Variants in PXDNL observed in about 807,000 individuals in gnomAD.
PXDNL encodes peroxidasin like.
PXDNL carries 145 observed loss-of-function variants against 150.8 expected under a neutral mutation model. The observed-to-expected ratio is 0.96, with a 90% CI of 0.84 to 1.10. PXDNL has a LOEUF of 1.10. PXDNL is among the 50% of genes least tolerant of loss of function. PXDNL has a pLI of 0.00. For missense variants in PXDNL, 2,087 were observed against 1,873.9 expected (o/e 1.11, Z -2.10); for synonymous variants, 757 against 725.7 (o/e 1.04, Z -0.69).
chr8:51,515,176 G>T (rs1811509199), intron 4 of PXDNL, among the ~76,000 whole-genome samples: 1 of 152,184 alleles, frequency 6.6e-6, no homozygotes, highest in African/African-American at 2.4e-5. Context: ...AGGACAGTGA[G>T]GGACAATCGG....
chr8:51,432,421 C>T (rs905487582), intron 12 of PXDNL, among the ~76,000 whole-genome samples: 21 of 152,262 alleles, frequency 1.4e-4, no homozygotes, highest in African/African-American at 4.6e-4. Flanking sequence ...CCAGAATCAT[C>T]CTTTCAGTTT....
chr8:51,371,018 C>T (rs1339387153), intron 19 of PXDNL, among the ~76,000 whole-genome samples: 1 of 152,210 alleles, frequency 6.6e-6, no homozygotes, highest in Admixed American at 6.5e-5. Flanking sequence ...CTCCCAGGCC[C>T]ATGGCCACTA....
chr8:51,572,908 G>C (rs924729947), intron 3 of PXDNL, among the ~76,000 whole-genome samples: 6 of 151,700 alleles, frequency 4.0e-5, no homozygotes, highest in African/African-American at 1.5e-4. Context: ...CAAACTAAAA[G>C]GCCTCTGAAA....
At chr8:51,480,524 C>T (rs12675403) in intron 6 of PXDNL, among the ~76,000 whole-genome samples, 73,366 of 152,068 alleles carry the variant, frequency 0.48, 20,960 homozygotes, top group Non-Finnish European at 0.63. Flanking sequence ...CCTCCCATCA[C>T]GCCCCACGAC....
At chr8:51,698,841 AGCATGAAACCATTAATCTCCTTG>A (rs1173657262) in intron 1 of PXDNL, among the ~76,000 whole-genome samples, 3 of 152,258 alleles carry the variant, frequency 2.0e-5, no homozygotes, top group African/African-American at 7.2e-5. Flanking sequence ...TGTATTAGCA[AGCATGAAACCATTAATCTCCTTG>A]TACATCTCCA....
intron 19 of PXDNL, among the ~76,000 whole-genome samples, chr8:51,349,208 G>A (rs887399462): frequency 3.3e-5 from 5 of 151,974 alleles, no homozygotes; most frequent in Admixed American, 2.0e-4. Flanking sequence ...TTCCCATTCA[G>A]GGCAGCCTTG....
intron 4 of PXDNL, among the ~76,000 whole-genome samples, chr8:51,542,531 A>G (rs937949022): frequency 6.6e-6 from 1 of 151,368 alleles, no homozygotes; most frequent in African/African-American, 2.4e-5. Context: ...GAAGTCGACC[A>G]GGTGCTGTGG....
At chr8:51,385,396 C>T (rs577184663) in intron 17 of PXDNL, among the ~76,000 whole-genome samples, 1 of 151,556 alleles carries the variant, frequency 6.6e-6, no homozygotes, top group South Asian at 2.1e-4. Flanking sequence ...TTACACACTA[C>T]ATAAGATTAG....
intron 1 of PXDNL, among the ~76,000 whole-genome samples, chr8:51,718,229 G>T (rs898175270): frequency 2.6e-5 from 4 of 152,034 alleles, no homozygotes; most frequent in African/African-American, 9.7e-5. Context: ...CAGCCTCAGG[G>T]GTCTGGAAGG....
intron 16 of PXDNL, among the ~76,000 whole-genome samples, 168 bp from the exon 17 acceptor site, chr8:51,409,729 C>T (rs1277070897): frequency 1.4e-5 from 2 of 143,630 alleles, no homozygotes; most frequent in Non-Finnish European, 3.0e-5. Flanking sequence ...AAGGGGGGAT[C>T]ATTCTATAAC....
rs570375325 is a variant in PXDNL at position 51,668,944 on chromosome 8, T to C, written c.165-14184A>G. Among the ~76,000 whole-genome samples the C allele has an allele frequency of 3.9e-5, 6 of 152,226 alleles. No homozygotes were observed. The South Asian group carries it at 1.2e-3, about 32-fold the overall frequency. The stretch of plus-strand genomic sequence containing the variant: ...ATAGATGGATGGATGGGTGGACAAG[T>C]GCATGGATGGATGGATGTAGGCTCT... On this transcript the variant is annotated intron_variant, in intron 1 of 22. Coordinates refer to ENST00000356297, the MANE Select transcript of PXDNL (RefSeq NM_144651.5).
chr8:51,520,809 A>G (rs998857201), intron 4 of PXDNL, among the ~76,000 whole-genome samples: 2 of 152,260 alleles, frequency 1.3e-5, no homozygotes, highest in East Asian at 3.9e-4. Flanking sequence ...AACAAAAAAA[A>G]AACTTAGAGG....
intron 4 of PXDNL, among the ~76,000 whole-genome samples, chr8:51,529,496 T>G (rs554987561): frequency 6.6e-6 from 1 of 152,318 alleles, no homozygotes; most frequent in South Asian, 2.1e-4. Flanking sequence ...TCATTTGCCT[T>G]TTCTAAGTCT....
intron 8 of PXDNL, among the ~76,000 whole-genome samples, chr8:51,471,008 T>C (rs561099774): frequency 6.8e-6 from 1 of 147,152 alleles, no homozygotes; most frequent in South Asian, 2.2e-4. Context: ...ACTAAAGAGC[T>C]TCTGCACAGC....
intron 17 of PXDNL, among the ~76,000 whole-genome samples, chr8:51,385,407 T>C (rs1167838372): frequency 6.6e-6 from 1 of 152,152 alleles, no homozygotes; most frequent in Non-Finnish European, 1.5e-5. Flanking sequence ...ATAAGATTAG[T>C]TAGCATACAT....
At chr8:51,419,806 T>C (rs1426358102) in intron 14 of PXDNL, among the ~76,000 whole-genome samples, 1 of 152,154 alleles carries the variant, frequency 6.6e-6, no homozygotes, top group East Asian at 1.9e-4. Flanking sequence ...CAAAATATTA[T>C]CTAGAAAAAA....
chr8:51,443,861 C>T (rs1487451792), intron 12 of PXDNL, among the ~76,000 whole-genome samples: 2 of 152,058 alleles, frequency 1.3e-5, no homozygotes, highest in Non-Finnish European at 2.9e-5. Context: ...TTATGCTATA[C>T]CAAAATTTGA....
intron 2 of PXDNL, among the ~76,000 whole-genome samples, chr8:51,639,942 C>T (rs1290136557): frequency 1.3e-5 from 2 of 151,968 alleles, no homozygotes; most frequent in Non-Finnish European, 1.5e-5. Context: ...AACATTGACG[C>T]AAAAATCCTC....
At chr8:51,365,624 T>C (rs887632100) in intron 19 of PXDNL, among the ~76,000 whole-genome samples, 1 of 152,206 alleles carries the variant, frequency 6.6e-6, no homozygotes, top group Non-Finnish European at 1.5e-5. Context: ...ATCTGTAGAA[T>C]GTCAAATGGC....
Sources: allele counts gnomAD v4.1 joint callset (sites outside exome capture counted in the v4.1 genomes callset), GRCh38; gene constraint gnomAD v4.1.1; transcripts MANE v1.5; gene names NCBI Gene and HGNC (gene_info 2026-07-23, HGNC 2026-07-21).